ABCG4: variants seen among roughly 807,000 people sequenced by gnomAD.
ABCG4 encodes ATP binding cassette subfamily G member 4, also known as ATP-binding cassette sub-family G member 4.
Under a neutral mutation model 64.6 loss-of-function variants are expected in ABCG4, and 35 were observed. The observed-to-expected ratio is 0.54, with a 90% CI of 0.41 to 0.72. The LOEUF (loss-of-function observed/expected upper bound fraction) is 0.72. ABCG4 is among the 30% of genes least tolerant of loss of function. The pLI is 0.00. For missense variants in ABCG4, 610 were observed against 846.3 expected, an observed-to-expected ratio of 0.72 and a Z score of 3.46; for synonymous variants, 326 against 348.2, an observed-to-expected ratio of 0.94 and a Z score of 0.71.
Position 119,149,818 on chromosome 11 carries a change from G to C in ABCG4, c.-12-136G>C, listed in dbSNP as rs1390797893. On this transcript the variant is annotated intron_variant, in intron 1 of 14. Transcript: ENST00000619701. This position sits in a 1 kb window ranked among gnomAD's most constrained non-coding sequence, Gnocchi z 8.3. ...GTGCGGAGAGTGGGGGGCGGGGGCA[G>C]AGTGCGGGGCTAACAGTCGCGGATC... 11 of 1,336,944 alleles carry C rather than the reference G, an allele frequency of 8.2e-6. No individual in the cohort carries two copies. The Admixed American group carries it at 3.0e-4, about 37-fold the overall frequency. The allele number at this position is 1,336,944 out of a possible 1,614,324, so 82.8% of individuals were successfully genotyped here.
rs201764181 is a variant in ABCG4 at position 119,160,914 on chromosome 11, T to C, written c.1749T>C (p.Tyr583=). Residue 583 remains tyrosine, a synonymous_variant, in exon 15 of 15, where the codon TAT becomes TAC. Coordinates refer to ENST00000619701, the MANE Select transcript of ABCG4 (RefSeq NM_022169.5). This position sits in a 1 kb window ranked among gnomAD's most constrained non-coding sequence, Gnocchi z 4.6. ...TTGAGGGTGTGATCCTGACGATCTA[T>C]GGCATGGAGCGAGGAGACCTGACAT... is the stretch of plus-strand genomic sequence containing the variant. The part of the protein sequence containing the change: ...YGFEGVILTI[Y]GMERGDLTCL... 1 of 1,614,044 alleles carries C rather than the reference T, an allele frequency of 6.2e-7. No individual in the cohort carries two copies. Among genetic ancestry groups the C allele is most frequent in the East Asian group, 2.2e-5 (1 of 44,874 alleles).
intron 9 of ABCG4, among the ~76,000 whole-genome samples, chr11:119,157,765 C>G (rs1164543970): frequency 6.6e-6 from 1 of 152,156 alleles, no homozygotes; most frequent in Admixed American, 6.5e-5. Context: ...ACTCGGGAGG[C>G]TGAGGCAGGA....
rs559492535 is a variant in ABCG4 at position 119,151,166 on chromosome 11, C to T, written c.238+963C>T. Among the ~76,000 whole-genome samples, 3 of 152,350 alleles carry T rather than the reference C, an allele frequency of 2.0e-5. No homozygotes were observed. In the South Asian group the frequency reaches 6.2e-4, roughly 32 times the overall value. ...GGCCCTGTCCCTAAGCAACCTCTTT[C>T]GGTCCTGAGACCAGCTCTGGGCAAA... is the stretch of plus-strand genomic sequence containing the variant. On this transcript the variant is annotated intron_variant, in intron 2 of 14. Transcript: ENST00000619701.
chr11:119,157,152 C>T (rs757012250), intron 9 of ABCG4, 138 bp downstream of exon 9: 20 of 1,200,922 alleles, frequency 1.7e-5, no homozygotes, highest in African/African-American at 9.3e-5. Context: ...GACTTGGAAT[C>T]GACCTACTAG....
chr11:119,161,152 C>G lies in ABCG4; in HGVS notation c.*46C>G, dbSNP rs1408278753. On this transcript the variant is annotated 3_prime_UTR_variant, in exon 15 of 15. Coordinates refer to ENST00000619701, the MANE Select transcript of ABCG4 (RefSeq NM_022169.5). ...CCCAGCCCCTGCAGCAGGAAGCCCC[C>G]AGTCCCAGCCCTTTGGGACTGTTTT... 3 of 1,562,788 alleles carry G rather than the reference C, an allele frequency of 1.9e-6. No individual in the cohort carries two copies. The Admixed American group carries it at 5.2e-5, about 27-fold the overall frequency.
rs1010799435 is a variant in ABCG4, at chr11:119,154,373, CGGTGTT to C, written c.473_478del (p.Val158_Leu159del). On this transcript the variant is annotated inframe_deletion, in exon 4 of 15. Coordinates refer to ENST00000619701, the MANE Select transcript of ABCG4 (RefSeq NM_022169.5). This position sits in a 1 kb window ranked among gnomAD's most constrained non-coding sequence, Gnocchi z 7.0. The stretch of plus-strand genomic sequence containing the variant: ...GATGACATGCTGCTGCCGCACCTCA[CGGTGTT>C]GGAAGCCATGATGGTGAGGGCTGGA... The C allele has an allele frequency of 8.7e-6, 14 of 1,614,072 alleles. No homozygotes were observed. The highest frequency in any genetic ancestry group is 1.3e-5 in the African/African-American group (1 of 74,912).
chr11:119,154,372 A>G lies in ABCG4; in HGVS notation c.469A>G (p.Thr157Ala), dbSNP rs1948235854. 1 of 1,613,924 alleles carries G rather than the reference A, an allele frequency of 6.2e-7. No homozygotes were observed. Among genetic ancestry groups the G allele is most frequent in the African/African-American group, 1.3e-5 (1 of 74,902 alleles). Residue 157 changes from threonine to alanine, a missense_variant, in exon 4 of 15, where the codon ACG (threonine) becomes GCG (alanine). Thr to Ala is a moderately conservative substitution (Grantham distance 58). Transcript: ENST00000619701. This position sits in a 1 kb window ranked among gnomAD's most constrained non-coding sequence, Gnocchi z 7.0. ...AGATGACATGCTGCTGCCGCACCTCACGGTGTTGGAAGCCATGATGGTGAG... is the reference window on the plus strand; with the variant it reads ...AGATGACATGCTGCTGCCGCACCTCGCGGTGTTGGAAGCCATGATGGTGAG... ...MQDDMLLPHL[T>A]VLEAMMVSAN...
chr11:119,149,775 C>T lies in ABCG4; in HGVS notation c.-12-179C>T, dbSNP rs1948166119. 1 of 1,033,070 alleles carries T rather than the reference C, an allele frequency of 9.7e-7. No individual in the cohort carries two copies. The highest frequency in any genetic ancestry group is 1.4e-6 in the Non-Finnish European group (1 of 732,694). The allele number at this position is 1,033,070 out of a possible 1,614,324, so 64.0% of individuals were successfully genotyped here. On this transcript the variant is annotated intron_variant, in intron 1 of 14. Coordinates refer to ENST00000619701, the MANE Select transcript of ABCG4 (RefSeq NM_022169.5). The surrounding 1 kb of genome is among the most constrained non-coding windows in gnomAD (Gnocchi z 8.3). Reference sequence around the variant, plus strand: ...TGGGGTCAGGCTGGAGCTGGGCTGCCCGGGACTGAGCGTCTCCGTGCGGAG... The same window carrying T: ...TGGGGTCAGGCTGGAGCTGGGCTGCTCGGGACTGAGCGTCTCCGTGCGGAG...
rs2135122178 is a variant in ABCG4, at chr11:119,154,916, G to T, written c.686+1G>T. On this transcript the variant is annotated splice_donor_variant, in intron 6 of 14. Coordinates refer to ENST00000619701, the MANE Select transcript of ABCG4 (RefSeq NM_022169.5). LOFTEE classifies it high-confidence loss of function. This position sits in a 1 kb window ranked among gnomAD's most constrained non-coding sequence, Gnocchi z 7.0. ...TCATGTTCTTTGATGAGCCCACCAG[G>T]TAGTTCTCTCCACCCTTTCCCACCA... is the stretch of plus-strand genomic sequence containing the variant. The T allele has an allele frequency of 6.2e-7, 1 of 1,604,922 alleles. No individual in the cohort carries two copies. The highest frequency in any genetic ancestry group is 2.2e-5 in the East Asian group (1 of 44,586).
At position 119,160,884 on chromosome 11, in the gene ABCG4, T is replaced by C; in HGVS notation, c.1719T>C (p.Tyr573=). The C allele has an allele frequency of 6.2e-7, 1 of 1,613,308 alleles. No individual in the cohort carries two copies. Among genetic ancestry groups the C allele is most frequent in the East Asian group, 2.2e-5 (1 of 44,842 alleles). The change falls in exon 15 of 15, where the codon TAT becomes TAC. Residue 573 remains tyrosine (Y), a synonymous_variant. Transcript: ENST00000619701. The surrounding 1 kb of genome is among the most constrained non-coding windows in gnomAD (Gnocchi z 4.6). The part of the protein sequence containing the change: ...QWSSYLSYVR[Y]GFEGVILTIY... ...TCTGATATCCCTGCCTGCCTAGGTATGGCTTTGAGGGTGTGATCCTGACGA... is the reference window on the plus strand; with the variant it reads ...TCTGATATCCCTGCCTGCCTAGGTACGGCTTTGAGGGTGTGATCCTGACGA...
In ABCG4 at chr11:119,150,432, A is replaced by G. The variant is rs1426719031; in HGVS notation, c.238+229A>G. 1.3e-5 allele frequency among the ~76,000 whole-genome samples: 2 copies of G among 152,172 alleles called. No individual in the cohort carries two copies. Among genetic ancestry groups the G allele is most frequent in the African/African-American group, 4.8e-5 (2 of 41,436 alleles). Reference sequence around the variant, plus strand: ...GATACTAGGTGCAATTGGTTATTGAAGCTGTATCTTCTAAAGAGATCCCGT... The same window carrying G: ...GATACTAGGTGCAATTGGTTATTGAGGCTGTATCTTCTAAAGAGATCCCGT... On this transcript the variant is annotated intron_variant, in intron 2 of 14. Transcript: ENST00000619701. This position sits in a 1 kb window ranked among gnomAD's most constrained non-coding sequence, Gnocchi z 4.3.
In ABCG4 at chr11:119,156,240, C is replaced by T; in HGVS notation, c.687-89C>T. 1 of 1,566,700 alleles carries T rather than the reference C, an allele frequency of 6.4e-7. No homozygotes were observed. The highest frequency in any genetic ancestry group is 1.7e-5 in the Admixed American group (1 of 58,422). On this transcript the variant is annotated intron_variant, in intron 6 of 14. Coordinates refer to ENST00000619701, the MANE Select transcript of ABCG4 (RefSeq NM_022169.5). This position sits in a 1 kb window ranked among gnomAD's most constrained non-coding sequence, Gnocchi z 5.5. ...GTGCCCTCTTCCTGCCAGCTTCATC[C>T]CCTTCACAGCAGCTGCCCCGCCCCA...
chr11:119,161,234 C>T lies in ABCG4; in HGVS notation c.*128C>T. The T allele has an allele frequency of 2.4e-6, 2 of 847,980 alleles. No homozygotes were observed. Among genetic ancestry groups the T allele is most frequent in the East Asian group, 2.7e-5 (1 of 37,112 alleles). 52.5% of individuals were successfully genotyped at this position (847,980 alleles called of 1,614,324 possible). A position where few individuals can be genotyped will look rare whatever the true frequency, so the allele number is the denominator to read the frequency against. On this transcript the variant is annotated 3_prime_UTR_variant, in exon 15 of 15. Coordinates refer to ENST00000619701, the MANE Select transcript of ABCG4 (RefSeq NM_022169.5). ...GGGGCTATCCTCTCCTCCCTTGGCT[C>T]CTCCACAGGCTGGCTGTCGGACTGC...
At position 119,155,105 on chromosome 11, in the gene ABCG4, A is replaced by G. The variant is rs144766339; in HGVS notation, c.686+190A>G. On this transcript the variant is annotated intron_variant, in intron 6 of 14. Transcript: ENST00000619701. This position sits in a 1 kb window ranked among gnomAD's most constrained non-coding sequence, Gnocchi z 4.5. ...GAGCTGCCCCATCCTTCGCCTGGGC[A>G]GAGATCTAGGTGTCCTCCTTGATTG... Among the ~76,000 whole-genome samples the G allele has an allele frequency of 6.6e-6, 1 of 152,300 alleles. No individual in the cohort carries two copies. Among genetic ancestry groups the G allele is most frequent in the African/African-American group, 2.4e-5 (1 of 41,566 alleles).
chr11:119,154,434 T>C lies in ABCG4; in HGVS notation c.489+42T>C, dbSNP rs1284557262. On this transcript the variant is annotated intron_variant, in intron 4 of 14. Coordinates refer to ENST00000619701, the MANE Select transcript of ABCG4 (RefSeq NM_022169.5). The surrounding 1 kb of genome is among the most constrained non-coding windows in gnomAD (Gnocchi z 7.0). Reference sequence around the variant, plus strand: ...CACCCCTCCTCCCAGCAACCCCCTCTGTCTGCTGTCGCCACCTTCACCATT... The same window carrying C: ...CACCCCTCCTCCCAGCAACCCCCTCCGTCTGCTGTCGCCACCTTCACCATT... The C allele has an allele frequency of 1.2e-6, 2 of 1,614,130 alleles. No individual in the cohort carries two copies. Among genetic ancestry groups the C allele is most frequent in the South Asian group, 1.1e-5 (1 of 91,090 alleles).
At position 119,154,920 on chromosome 11, in the gene ABCG4, T is replaced by C. The variant is rs1948246516; in HGVS notation, c.686+5T>C. The C allele has an allele frequency of 1.9e-6, 3 of 1,604,016 alleles. No individual in the cohort carries two copies. The highest frequency in any genetic ancestry group is 1.7e-4 in the Middle Eastern group (1 of 6,030). ...GTTCTTTGATGAGCCCACCAGGTAGTTCTCTCCACCCTTTCCCACCAGGAT... is the reference window on the plus strand; with the variant it reads ...GTTCTTTGATGAGCCCACCAGGTAGCTCTCTCCACCCTTTCCCACCAGGAT... On this transcript the variant is annotated splice_donor_5th_base_variant and intron_variant, in intron 6 of 14. Coordinates refer to ENST00000619701, the MANE Select transcript of ABCG4 (RefSeq NM_022169.5). This position sits in a 1 kb window ranked among gnomAD's most constrained non-coding sequence, Gnocchi z 7.0.
chr11:119,158,100 G>C lies in ABCG4; in HGVS notation c.1069-134G>C. The stretch of plus-strand genomic sequence containing the variant: ...TAGCTTTCAGGTACACAACTTAATG[G>C]TACAAGATTCTCTGTAGACCTGGAG... On this transcript the variant is annotated intron_variant, in intron 9 of 14. Transcript: ENST00000619701. The surrounding 1 kb of genome is among the most constrained non-coding windows in gnomAD (Gnocchi z 4.5). 1 of 712,570 alleles carries C rather than the reference G, an allele frequency of 1.4e-6. No homozygotes were observed. Among genetic ancestry groups the C allele is most frequent in the Non-Finnish European group, 2.4e-6 (1 of 421,396 alleles). The allele number at this position is 712,570 out of a possible 1,614,324, so 44.1% of individuals were successfully genotyped here. A position where few individuals can be genotyped will look rare whatever the true frequency, so the allele number is the denominator to read the frequency against.
chr11:119,152,009 T>G (rs1488614967), intron 2 of ABCG4, among the ~76,000 whole-genome samples: 2 of 152,202 alleles, frequency 1.3e-5, no homozygotes, highest in Non-Finnish European at 2.9e-5. Context: ...AAGATGACTT[T>G]TGTGTTAGGC....
rs1368457718 is a variant in ABCG4 at position 119,160,011 on chromosome 11, C to T, written c.1438-216C>T. Among the ~76,000 whole-genome samples the T allele has an allele frequency of 6.6e-6, 1 of 151,742 alleles. No homozygotes were observed. Among genetic ancestry groups the T allele is most frequent in the African/African-American group, 2.4e-5 (1 of 41,264 alleles). ...CCGTGCCTGAAGCAGTCAGGGTGGA[C>T]CAAACGGAAGACGTGAGACGAGATA... On this transcript the variant is annotated intron_variant, in intron 12 of 14. Transcript: ENST00000619701. This position sits in a 1 kb window ranked among gnomAD's most constrained non-coding sequence, Gnocchi z 4.6.
Sources: gnomAD v4.1 joint callset for allele counts (sites outside exome capture counted in the v4.1 genomes callset) on GRCh38, gnomAD v4.1.1 for gene constraint, Gnocchi (gnomAD v3.1) non-coding constraint, MANE v1.5 for transcripts, NCBI Gene and HGNC (gene_info 2026-07-23, HGNC 2026-07-21) for gene names.